Variants in FAM227B observed in about 807,000 individuals in gnomAD.
FAM227B encodes the protein protein FAM227B.
FAM227B carries 88 observed loss-of-function variants against 73.8 expected under a neutral mutation model. The ratio of observed to expected loss-of-function variants is 1.19; its 90% confidence interval spans 1.00 to 1.42. The LOEUF (loss-of-function observed/expected upper bound fraction) is 1.42, where lower values mean the gene tolerates loss of function less well. Among genes scored for constraint, FAM227B ranks in the 40% most tolerant of loss-of-function variants. The pLI, the probability that FAM227B is intolerant of heterozygous loss-of-function variation, is 0.00. For missense variants in FAM227B, 632 were observed against 590.9 expected, an observed-to-expected ratio of 1.07 and a Z score of -0.72; for synonymous variants, 210 against 190.5, an observed-to-expected ratio of 1.10 and a Z score of -0.84.
At chr15:49,346,034 G>C (rs2041433103) in intron 13 of FAM227B, among the ~76,000 whole-genome samples, 1 of 148,352 alleles carries the variant, frequency 6.7e-6, no homozygotes, top group Admixed American at 6.8e-5. Flanking sequence ...GCTTGCTTTT[G>C]GTCACTTGCT....
intron 11 of FAM227B, among the ~76,000 whole-genome samples, chr15:49,407,287 T>C (rs1041096767): frequency 5.3e-5 from 8 of 152,196 alleles, no homozygotes; most frequent in South Asian, 2.1e-4. Context: ...TGAGAGCCGG[T>C]TGCTCCTTGC....
chr15:49,440,774 T>G (rs925977840), intron 11 of FAM227B, among the ~76,000 whole-genome samples: 2 of 151,696 alleles, frequency 1.3e-5, no homozygotes, highest in African/African-American at 4.8e-5. Flanking sequence ...GGACCTGAAC[T>G]CAGGGCTCTA....
In FAM227B at chr15:49,412,674, A is replaced by G. The variant is rs17399368; in HGVS notation, c.1013-41275T>C. ...GACTTCCGATATCATGTATTATATT[A>G]CTGGGGCCTATGATATGCTGGTTGT... On this transcript the variant is annotated intron_variant, in intron 11 of 15. Coordinates refer to ENST00000299338, the MANE Select transcript of FAM227B (RefSeq NM_152647.3). Among the ~76,000 whole-genome samples, 274 of 152,180 alleles carry G rather than the reference A, an allele frequency of 1.8e-3. 2 individuals are homozygous for G. The highest frequency in any genetic ancestry group is 4.1e-3 in the Admixed American group (62 of 15,262).
At chr15:49,585,031 G>T (rs950684177) in intron 5 of FAM227B, among the ~76,000 whole-genome samples, 11 of 152,152 alleles carry the variant, frequency 7.2e-5, no homozygotes, top group Middle Eastern at 3.4e-3. Flanking sequence ...GTGGGCGAAG[G>T]ATATGAACAG....
At chr15:49,396,005 A>G (rs776201678) in intron 11 of FAM227B, 97 of 455,932 alleles carry the variant, frequency 2.1e-4, no homozygotes, top group Admixed American at 6.1e-4. Context: ...CAAGATGGCC[A>G]AATAGGAACA....
intron 11 of FAM227B, among the ~76,000 whole-genome samples, chr15:49,462,477 T>C (rs2053889851): frequency 6.6e-6 from 1 of 152,236 alleles, no homozygotes; most frequent in African/African-American, 2.4e-5. Flanking sequence ...TTTTCCAGCA[T>C]GGGCAAATAT....
chr15:49,582,279 T>C (rs1326759226), intron 5 of FAM227B, among the ~76,000 whole-genome samples: 1 of 151,754 alleles, frequency 6.6e-6, no homozygotes, highest in Non-Finnish European at 1.5e-5. Flanking sequence ...AGTAAAGAAA[T>C]GGAAAAAAAT....
intron 11 of FAM227B, among the ~76,000 whole-genome samples, chr15:49,376,090 G>A (rs1358288008): frequency 6.6e-6 from 1 of 152,014 alleles, no homozygotes; most frequent in African/African-American, 2.4e-5. Flanking sequence ...CCATAAAAGA[G>A]AAGGCCAGGA....
At chr15:49,522,677 G>A (rs1017209308) in intron 10 of FAM227B, among the ~76,000 whole-genome samples, 5 of 151,714 alleles carry the variant, frequency 3.3e-5, no homozygotes, top group African/African-American at 1.2e-4. Context: ...CCAAGTAGAA[G>A]AAAAAAATTT....
At chr15:49,495,741 G>A (rs1240532812) in intron 11 of FAM227B, among the ~76,000 whole-genome samples, 3 of 152,050 alleles carry the variant, frequency 2.0e-5, no homozygotes, top group East Asian at 1.9e-4. Flanking sequence ...ACTAAAATCC[G>A]GGCCGGGCAT....
chr15:49,410,105 C>T (rs75200706), intron 11 of FAM227B, among the ~76,000 whole-genome samples: 7,646 of 152,152 alleles, frequency 0.05, 264 homozygotes, highest in East Asian at 0.07. Context: ...CACAACTGTA[C>T]TCTCACTTCG....
chr15:49,422,356 G>A (rs780529392), intron 11 of FAM227B: 32 of 247,062 alleles, frequency 1.3e-4, no homozygotes, highest in Non-Finnish European at 2.2e-4. Context: ...ATGCTGGAAA[G>A]TAAAATAGCT....
intron 11 of FAM227B, among the ~76,000 whole-genome samples, chr15:49,434,845 CTAAT>C (rs2050945831): frequency 3.3e-5 from 5 of 150,988 alleles, no homozygotes; most frequent in South Asian, 2.1e-4. Context: ...TAATAAAAAA[CTAAT>C]TAATAATTAA....
At chr15:49,337,442 G>A (rs1381323209) in intron 13 of FAM227B, among the ~76,000 whole-genome samples, 1 of 130,216 alleles carries the variant, frequency 7.7e-6, no homozygotes, top group Non-Finnish European at 1.6e-5. Flanking sequence ...CTGCTGACGA[G>A]TGATGCTAAG....
chr15:49,593,591 C>A (rs1039443953), intron 3 of FAM227B, among the ~76,000 whole-genome samples: 4 of 151,706 alleles, frequency 2.6e-5, no homozygotes, highest in Admixed American at 2.0e-4. Context: ...ACCTCAACCC[C>A]CGAACCCTTC....
chr15:49,492,922 C>A (rs2152063678), intron 11 of FAM227B, among the ~76,000 whole-genome samples: 1 of 151,992 alleles, frequency 6.6e-6, no homozygotes, highest in South Asian at 2.1e-4. Context: ...ACCTGGCACC[C>A]ACATTGCTCA....
At chr15:49,513,855 C>T (rs781717445) in intron 10 of FAM227B, among the ~76,000 whole-genome samples, 2 of 152,116 alleles carry the variant, frequency 1.3e-5, no homozygotes, top group Non-Finnish European at 2.9e-5. Context: ...AATAGGGAAT[C>T]CTTTCCCCAT....
intron 9 of FAM227B, among the ~76,000 whole-genome samples, chr15:49,556,392 AT>A (rs1348458536): frequency 6.6e-6 from 1 of 152,206 alleles, no homozygotes; most frequent in Non-Finnish European, 1.5e-5. Flanking sequence ...GAGAGCTGGT[AT>A]CCTGCCCCAG....
At chr15:49,523,964 G>A (rs1216648102) in intron 10 of FAM227B, among the ~76,000 whole-genome samples, 1 of 151,624 alleles carries the variant, frequency 6.6e-6, no homozygotes, top group Non-Finnish European at 1.5e-5. Flanking sequence ...AAGCATTCAA[G>A]ATGTGACTTG....
Sources: gnomAD v4.1 joint callset for allele counts (sites outside exome capture counted in the v4.1 genomes callset) on GRCh38, gnomAD v4.1.1 for gene constraint, MANE v1.5 for transcripts, NCBI Gene and HGNC (gene_info 2026-07-23, HGNC 2026-07-21) for gene names.